Variants in XKR9 observed in about 807,000 individuals in gnomAD.
The protein encoded by XKR9 is XK related 9.
XKR9 carries 32 observed loss-of-function variants against 32.0 expected under a neutral mutation model. That is an observed-to-expected ratio of 1.00 (90% confidence interval 0.76 to 1.34). XKR9 has a LOEUF of 1.34. Among genes scored for constraint, XKR9 ranks in the 40% most tolerant of loss-of-function variants. XKR9 has a pLI of 0.00. For missense variants in XKR9, 546 were observed against 429.7 expected, an observed-to-expected ratio of 1.27 and a Z score of -2.39; for synonymous variants, 168 against 143.4, an observed-to-expected ratio of 1.17 and a Z score of -1.22.
the XKR9 span, among the ~76,000 whole-genome samples, chr8:70,911,864 G>A: frequency 2.0e-5 from 3 of 152,096 alleles, no homozygotes; most frequent in Non-Finnish European, 4.4e-5. Context: ...AGAAAAATAG[G>A]ATGACAATGA....
the XKR9 span, among the ~76,000 whole-genome samples, chr8:70,912,909 C>A: frequency 6.6e-6 from 1 of 152,112 alleles, no homozygotes; most frequent in Non-Finnish European, 1.5e-5. Context: ...CAGCAAAGAT[C>A]AAGTAATTAA....
At chr8:70,681,368 T>G in intron 3 of XKR9, 38 bp downstream of exon 3, 1 of 1,568,308 alleles carries the variant, frequency 6.4e-7, no homozygotes, top group African/African-American at 1.4e-5. Context: ...CTGTTTTTCT[T>G]TTTCCAAACA....
At chr8:70,961,573 C>T in the XKR9 span, among the ~76,000 whole-genome samples, 2 of 152,190 alleles carry the variant, frequency 1.3e-5, no homozygotes, top group Non-Finnish European at 2.9e-5. Flanking sequence ...TCATACTCTA[C>T]ATGCCATAGT....
the XKR9 span, among the ~76,000 whole-genome samples, chr8:70,870,838 G>A: frequency 6.6e-6 from 1 of 152,162 alleles, no homozygotes; most frequent in Admixed American, 6.5e-5. Context: ...TGAACCATGT[G>A]ATTCTGTTAC....
the XKR9 span, among the ~76,000 whole-genome samples, chr8:70,871,506 G>T: frequency 1.3e-5 from 2 of 152,052 alleles, no homozygotes; most frequent in Non-Finnish European, 2.9e-5. Flanking sequence ...AGCTTCTATG[G>T]TGATCAGCAA....
chr8:70,725,755 A>C (rs1051400034), intron 4 of XKR9, among the ~76,000 whole-genome samples: 1 of 152,024 alleles, frequency 6.6e-6, no homozygotes, highest in Non-Finnish European at 1.5e-5. Context: ...AAAATACAAA[A>C]ATTAGCTGGG....
At chr8:70,741,163 C>G (rs1806967568) in intron 2 of XKR9, among the ~76,000 whole-genome samples, 1 of 152,210 alleles carries the variant, frequency 6.6e-6, no homozygotes, top group African/African-American at 2.4e-5. Context: ...CTAAGCAAGC[C>G]TGGGCAATGG....
chr8:70,780,162 G>A (rs1366979147), intron 2 of XKR9, among the ~76,000 whole-genome samples: 1 of 151,234 alleles, frequency 6.6e-6, no homozygotes, highest in East Asian at 1.9e-4. Flanking sequence ...TTATCTAAAG[G>A]TTTTTCAATT....
At chr8:70,920,144 C>A in the XKR9 span, among the ~76,000 whole-genome samples, 2 of 152,114 alleles carry the variant, frequency 1.3e-5, no homozygotes, top group African/African-American at 2.4e-5. Context: ...ATTATCTACA[C>A]CTTAATAAAC....
At chr8:70,903,567 G>A in the XKR9 span, among the ~76,000 whole-genome samples, 1 of 151,848 alleles carries the variant, frequency 6.6e-6, no homozygotes, top group African/African-American at 2.4e-5. Context: ...TATCAATTTT[G>A]TTGATCTTTT....
chr8:70,872,027 T>A, the XKR9 span, among the ~76,000 whole-genome samples: 1 of 152,240 alleles, frequency 6.6e-6, no homozygotes, highest in East Asian at 1.9e-4. Flanking sequence ...GAACTGGAAC[T>A]TTCTTGGAAC....
At chr8:70,997,265 C>A in the XKR9 span, among the ~76,000 whole-genome samples, 1 of 151,998 alleles carries the variant, frequency 6.6e-6, no homozygotes, top group East Asian at 1.9e-4. Flanking sequence ...CCACTGCACT[C>A]CAACCTGGGC....
At chr8:70,800,033 C>A in the XKR9 span, among the ~76,000 whole-genome samples, 2 of 152,058 alleles carry the variant, frequency 1.3e-5, no homozygotes, top group South Asian at 4.2e-4. Context: ...AAGGTATGTT[C>A]CCTCAATACC....
At chr8:70,813,360 C>A in the XKR9 span, among the ~76,000 whole-genome samples, 2 of 152,192 alleles carry the variant, frequency 1.3e-5, no homozygotes, top group African/African-American at 2.4e-5. Flanking sequence ...CTAGGTATTA[C>A]CATTCAGGAC....
the XKR9 span, among the ~76,000 whole-genome samples, chr8:70,888,966 AT>A: frequency 6.6e-6 from 1 of 151,588 alleles, no homozygotes; most frequent in Non-Finnish European, 1.5e-5. Flanking sequence ...AAATTTTAGA[AT>A]TTTTTCAATT....
chr8:70,944,526 A>C, the XKR9 span, among the ~76,000 whole-genome samples: 1 of 152,202 alleles, frequency 6.6e-6, no homozygotes, highest in Non-Finnish European at 1.5e-5. Flanking sequence ...CTCTACAAAT[A>C]CATCTTATCT....
chr8:70,742,045 T>C (rs985268465), intron 2 of XKR9, among the ~76,000 whole-genome samples: 1 of 152,190 alleles, frequency 6.6e-6, no homozygotes, highest in Non-Finnish European at 1.5e-5. Context: ...TGGATTTCTT[T>C]AATGATTAGT....
the XKR9 span, among the ~76,000 whole-genome samples, chr8:70,815,001 C>G: frequency 1.3e-5 from 2 of 152,106 alleles, no homozygotes; most frequent in African/African-American, 2.4e-5. Context: ...ACAATAGCTA[C>G]AAAAGATAAA....
intron 1 of XKR9, among the ~76,000 whole-genome samples, chr8:70,671,838 A>G (rs796898321): frequency 1.8e-5 from 2 of 109,264 alleles, no homozygotes; most frequent in South Asian, 5.1e-4. Context: ...TCAGCCCAAA[A>G]TCTCCTTAAG....
Sources: allele counts gnomAD v4.1 joint callset (sites outside exome capture counted in the v4.1 genomes callset), GRCh38; gene constraint gnomAD v4.1.1; transcripts MANE v1.5; gene names NCBI Gene and HGNC (gene_info 2026-07-23, HGNC 2026-07-21).